Variants in THBS3 observed in about 807,000 individuals in gnomAD.
The protein encoded by THBS3 is thrombospondin 3.
Under a neutral mutation model 118.3 loss-of-function variants are expected in THBS3, and 78 were observed. That is an observed-to-expected ratio of 0.66 (90% CI 0.55 to 0.80). THBS3 has a LOEUF of 0.80. Ranked by LOEUF, THBS3 falls within the 30% of genes least tolerant of loss-of-function variation. The pLI, the probability that THBS3 is intolerant of heterozygous loss-of-function variation, is 0.00. For synonymous variants in THBS3, 427 were observed against 475.3 expected (o/e 0.90, Z 1.32); for missense variants, 1,057 against 1,247.4 (o/e 0.85, Z 2.30).
chr1:155,209,086 C>G (rs1670944743), upstream of THBS3: 1 of 1,541,850 alleles, frequency 6.5e-7, no homozygotes, highest in African/African-American at 1.4e-5. Flanking sequence ...GCGGCCCAGT[C>G]CCCCGCAGTT....
At chr1:155,208,747 G>T, upstream of THBS3, 2 of 1,123,904 alleles carry the variant, frequency 1.8e-6, no homozygotes, top group Non-Finnish European at 2.3e-6. Flanking sequence ...CCCCTGTTTT[G>T]TTTCCATGGC....
chr1:155,201,687 A>T, intron 10 of THBS3, 118 bp from the exon 11 acceptor site: 1 of 1,192,938 alleles, frequency 8.4e-7, no homozygotes. Context: ...GCATATCAGT[A>T]TCTCCTTTAG....
At chr1:155,204,235 C>G (rs898365188) in intron 4 of THBS3, among the ~76,000 whole-genome samples, 1 of 152,116 alleles carries the variant, frequency 6.6e-6, no homozygotes, top group Admixed American at 6.5e-5. Context: ...TCAGAGAGAC[C>G]AGGCAGATGG....
rs202082439 is a variant in THBS3, at chr1:155,207,852, C to T, written c.25G>A (p.Ala9Thr). 8 of 1,613,916 alleles carry T rather than the reference C, an allele frequency of 5.0e-6. No homozygotes were observed. The highest frequency in any genetic ancestry group is 2.2e-5 in the East Asian group (1 of 44,880). METQELRG[A>T]LALLLLCFFT... ...AAGCAAAGGAGGAGAAGAGCCAGGG[C>T]CCCCCGAAGTTCCTGCGTCTCCATG... Residue 9 changes from alanine to threonine, a missense_variant, in exon 1 of 23, where the codon GCC (alanine) becomes ACC (threonine). By Grantham distance (58) the Ala-to-Thr change is moderately conservative. Around this residue, in one of 3 missense-constraint regions of THBS3, gnomAD observed 206 missense variants for 205.7 expected, o/e 1.00. Coordinates refer to ENST00000368378, the MANE Select transcript of THBS3 (RefSeq NM_007112.5).
intron 15 of THBS3, 59 bp from the exon 16 acceptor site, chr1:155,199,915 T>A: frequency 6.2e-7 from 1 of 1,612,936 alleles, no homozygotes; most frequent in Non-Finnish European, 8.5e-7. Flanking sequence ...GAGGGTGATC[T>A]GACCACTTTC....
chr1:155,198,895 A>G (rs1475616406), intron 16 of THBS3, among the ~76,000 whole-genome samples: 1 of 152,214 alleles, frequency 6.6e-6, no homozygotes, highest in African/African-American at 2.4e-5. Flanking sequence ...CAAGGCGGGC[A>G]GATCACCTGA....
At chr1:155,208,616 C>T, upstream of THBS3, 1 of 620,990 alleles carries the variant, frequency 1.6e-6, no homozygotes, top group Non-Finnish European at 2.7e-6. Flanking sequence ...GCGGACGGGC[C>T]GTGACCCGGA....
chr1:155,208,955 G>C (rs34921532), upstream of THBS3: 1 of 1,609,042 alleles, frequency 6.2e-7, no homozygotes, highest in Non-Finnish European at 8.5e-7. Flanking sequence ...CGCGCCTTCA[G>C]GGGTTCGGGG....
chr1:155,206,298 C>T lies in THBS3; in HGVS notation c.188G>A (p.Arg63His), dbSNP rs373792378. Reference protein sequence around the residue: ...AGDIYLLSTFRLPPKQGGVLF... With the variant: ...AGDIYLLSTFHLPPKQGGVLF... ...GACACCACCCTGCTTGGGGGGCAGG[C>T]GGAAGGTGGATAAGAGGTAGATGTC... The change falls in exon 2 of 23, where the codon CGC (arginine) becomes CAC (histidine). Residue 63 changes from arginine (R) to histidine (H), a missense_variant. Arg to His is a conservative substitution (Grantham distance 29, BLOSUM62 0). Coordinates refer to ENST00000368378, the MANE Select transcript of THBS3 (RefSeq NM_007112.5). The surrounding 1 kb of genome is among the most constrained non-coding windows in gnomAD (Gnocchi z 4.2). 1.1e-4 allele frequency: 170 copies of T among 1,614,094 alleles called. No individual in the cohort carries two copies. The highest frequency in any genetic ancestry group is 3.7e-4 in the Admixed American group (22 of 60,022).
chr1:155,208,493 G>A (rs1260826269), upstream of THBS3, among the ~76,000 whole-genome samples: 1 of 152,248 alleles, frequency 6.6e-6, no homozygotes, highest in Non-Finnish European at 1.5e-5. Flanking sequence ...AGTGGTCAGT[G>A]AGGTCAGAGT....
chr1:155,198,578 G>T lies in THBS3; in HGVS notation c.1905C>A (p.Thr635=). The change falls in exon 17 of 23, where the codon ACC becomes ACA. Residue 635 remains threonine (T), a synonymous_variant. Coordinates refer to ENST00000368378, the MANE Select transcript of THBS3 (RefSeq NM_007112.5). ...EDSDGDGHQD[T]KDNCPQLPNS... ...TTGGCAGCTGTGGGCAGTTGTCCTT[G>T]GTGTCCTGATGCCCATCCCCATCGC... The T allele has an allele frequency of 1.2e-6, 2 of 1,614,152 alleles. No individual in the cohort carries two copies. Among genetic ancestry groups the T allele is most frequent in the Non-Finnish European group, 1.7e-6 (2 of 1,180,000 alleles).
chr1:155,196,105 G>T lies in THBS3; in HGVS notation c.2694C>A (p.Pro898=). Residue 898 remains proline (P), a synonymous_variant, in exon 22 of 23, where the codon CCC becomes CCA. Transcript: ENST00000368378. ...GYIRVKLYEG[P]QLVADSGVII... is the part of the protein sequence containing the mutation. ...TCACCCCAGAATCCGCCACAAGCTG[G>T]GGTCCCTCATAGAGCTTCACCCTGT... The T allele has an allele frequency of 6.2e-7, 1 of 1,614,134 alleles. No individual in the cohort carries two copies. Among genetic ancestry groups the T allele is most frequent in the East Asian group, 2.2e-5 (1 of 44,890 alleles).
chr1:155,209,135 G>A, upstream of THBS3: 1 of 1,540,562 alleles, frequency 6.5e-7, no homozygotes, highest in Non-Finnish European at 8.8e-7. Context: ...CGCCTCCCCG[G>A]GGATCTCCCC....
upstream of THBS3, chr1:155,208,643 CT>C: frequency 1.3e-6 from 1 of 752,386 alleles, no homozygotes; most frequent in Non-Finnish European, 2.0e-6. Context: ...AGAGGGGCGC[CT>C]GAGTTCCCGT....
chr1:155,196,826 C>T (rs1314924386), intron 21 of THBS3: 1 of 579,644 alleles, frequency 1.7e-6, no homozygotes, highest in Non-Finnish European at 3.1e-6. Context: ...TAAAGGGCAT[C>T]TAACCCAATG....
intron 16 of THBS3, 40 bp downstream of exon 16, chr1:155,199,764 A>G: frequency 1.9e-6 from 3 of 1,612,358 alleles, no homozygotes; most frequent in Non-Finnish European, 2.5e-6. Context: ...CAGAAAGACA[A>G]AAAAAAGAAA....
In THBS3 at chr1:155,206,115, G is replaced by A. The variant is rs967054718; in HGVS notation, c.286+85C>T. ...CTTGGTCCCTAGTGGAGGCCAAGGAGAATGAGGAAGCACTTGGGAAGTAGG... is the reference window on the plus strand; with the variant it reads ...CTTGGTCCCTAGTGGAGGCCAAGGAAAATGAGGAAGCACTTGGGAAGTAGG... On this transcript the variant is annotated intron_variant, in intron 2 of 22. Transcript: ENST00000368378. The surrounding 1 kb of genome is among the most constrained non-coding windows in gnomAD (Gnocchi z 4.2). 185 of 1,506,260 alleles carry A rather than the reference G, an allele frequency of 1.2e-4. No individual in the cohort carries two copies. The highest frequency in any genetic ancestry group is 1.6e-4 in the Non-Finnish European group (177 of 1,098,072). The allele number at this position is 1,506,260 out of a possible 1,614,324, so 93.3% of individuals were successfully genotyped here.
At chr1:155,207,542 T>G (rs548385031) in intron 1 of THBS3, among the ~76,000 whole-genome samples, 1 of 152,270 alleles carries the variant, frequency 6.6e-6, no homozygotes, top group South Asian at 2.1e-4. Flanking sequence ...CCAGGCAGCC[T>G]GAGCATCCAG....
upstream of THBS3, chr1:155,208,617 G>A: frequency 3.2e-6 from 2 of 625,292 alleles, no homozygotes; most frequent in Non-Finnish European, 5.3e-6. Flanking sequence ...CGGACGGGCC[G>A]TGACCCGGAT....
Sources: allele counts gnomAD v4.1 joint callset (sites outside exome capture counted in the v4.1 genomes callset), GRCh38; gene constraint gnomAD v4.1.1; regional missense constraint gnomAD v4.1.1; non-coding constraint Gnocchi (gnomAD v3.1); transcripts MANE v1.5; gene names NCBI Gene and HGNC (gene_info 2026-07-23, HGNC 2026-07-21).